The following NELL1 variants were observed in gnomAD, a reference collection of about 807,000 sequenced individuals.
The protein encoded by NELL1 is neural EGFL like 1.
A neutral mutation model predicts 107.4 loss-of-function variants in NELL1; 76 were observed. The ratio of observed to expected loss-of-function variants is 0.71; its 90% CI spans 0.59 to 0.86. The LOEUF (loss-of-function observed/expected upper bound fraction) is 0.86. NELL1 is among the 40% of genes least tolerant of loss of function. The probability of loss-of-function intolerance (pLI) is 0.00; values close to 1 mark genes in which losing one functional copy is unlikely to be tolerated. For missense variants in NELL1, 1,024 were observed against 1,005.5 expected (o/e 1.02, Z -0.25); for synonymous variants, 353 against 341.2 (o/e 1.03, Z -0.38).
At chr11:21,561,732 C>G (rs1056090172) in intron 17 of NELL1, among the ~76,000 whole-genome samples, 1 of 151,976 alleles carries the variant, frequency 6.6e-6, no homozygotes, top group African/African-American at 2.4e-5. Context: ...CTCAGACTTT[C>G]AACTCAGACT....
chr11:20,789,067 T>C (rs867100377), intron 3 of NELL1, among the ~76,000 whole-genome samples: 1 of 152,216 alleles, frequency 6.6e-6, no homozygotes. Flanking sequence ...TTATTTCTGG[T>C]CTCTTACTGC....
intron 13 of NELL1, among the ~76,000 whole-genome samples, chr11:21,226,561 A>G (rs61888070): frequency 0.068 from 10,341 of 152,252 alleles, 435 homozygotes; most frequent in Non-Finnish European, 0.1. Flanking sequence ...TAATATGCCT[A>G]AAATATTGAC....
intron 2 of NELL1, among the ~76,000 whole-genome samples, chr11:20,757,055 C>T (rs183741780): frequency 1.4e-3 from 207 of 151,980 alleles, no homozygotes; most frequent in African/African-American, 4.7e-3. Context: ...CCAGCTTTAC[C>T]TCCATCCTTC....
At chr11:20,980,761 A>G (rs1199214073) in intron 12 of NELL1, among the ~76,000 whole-genome samples, 1 of 152,120 alleles carries the variant, frequency 6.6e-6, no homozygotes, top group African/African-American at 2.4e-5. Flanking sequence ...TAACCCAGGG[A>G]GTCCAAGGCC....
At chr11:20,808,422 T>C (rs1857429026) in intron 3 of NELL1, among the ~76,000 whole-genome samples, 1 of 152,158 alleles carries the variant, frequency 6.6e-6, no homozygotes, top group African/African-American at 2.4e-5. Context: ...CCATTTCCTC[T>C]CCTGAAGCAG....
intron 11 of NELL1, among the ~76,000 whole-genome samples, chr11:20,959,732 AT>A (rs553775731): frequency 6.6e-6 from 1 of 152,192 alleles, no homozygotes; most frequent in Non-Finnish European, 1.5e-5. Flanking sequence ...TACTTGGGTG[AT>A]ATGTGCACCA....
chr11:20,881,578 C>A (rs369765089), intron 4 of NELL1, among the ~76,000 whole-genome samples: 4 of 152,156 alleles, frequency 2.6e-5, no homozygotes, highest in Non-Finnish European at 4.4e-5. Context: ...TACACAATGT[C>A]GGCACACATT....
intron 2 of NELL1, among the ~76,000 whole-genome samples, chr11:20,699,737 A>G (rs1181738981): frequency 1.3e-5 from 2 of 152,236 alleles, no homozygotes; most frequent in Non-Finnish European, 2.9e-5. Flanking sequence ...TTGCGCTGCT[A>G]TAAACATGCA....
intron 12 of NELL1, among the ~76,000 whole-genome samples, chr11:20,974,069 T>C (rs1851555533): frequency 6.6e-6 from 1 of 152,218 alleles, no homozygotes; most frequent in Admixed American, 6.5e-5. Context: ...GCATTCTCTT[T>C]ACAAGTGCCA....
chr11:21,222,448 G>A lies in NELL1; in HGVS notation c.1427-6884G>A, dbSNP rs373116837. Among the ~76,000 whole-genome samples, 386 of 150,844 alleles carry A rather than the reference G, an allele frequency of 2.6e-3. 2 individuals carry two copies. The highest frequency in any genetic ancestry group is 8.7e-3 in the African/African-American group (357 of 41,064). On this transcript the variant is annotated intron_variant, in intron 13 of 19. Coordinates refer to ENST00000357134, the MANE Select transcript of NELL1 (RefSeq NM_006157.5). Reference sequence around the variant, plus strand: ...CCTGACCTCATGATCTGCCTGCCTCGGCCTCCCAAAGTGCTGGGATTACAG... The same window carrying A: ...CCTGACCTCATGATCTGCCTGCCTCAGCCTCCCAAAGTGCTGGGATTACAG...
At position 20,688,068 on chromosome 11, in the gene NELL1, GTAAAT is replaced by G. The variant is rs529417873; in HGVS notation, c.184+10011_184+10015del. Among the ~76,000 whole-genome samples the G allele has an allele frequency of 4.6e-5, 7 of 151,830 alleles. No homozygotes were observed. The South Asian group carries it at 1.5e-3, about 32-fold the overall frequency. ...CTGTTTAATAAGTATGCAATTTAAAGTAAATTATTTATTTTATTTAGTATACTTTT... is the reference window on the plus strand; with the variant it reads ...CTGTTTAATAAGTATGCAATTTAAAGTATTTATTTTATTTAGTATACTTTT... On this transcript the variant is annotated intron_variant, in intron 2 of 19. Coordinates refer to ENST00000357134, the MANE Select transcript of NELL1 (RefSeq NM_006157.5).
At chr11:21,324,012 A>G (rs1383680203) in intron 14 of NELL1, among the ~76,000 whole-genome samples, 2 of 152,112 alleles carry the variant, frequency 1.3e-5, no homozygotes, top group Non-Finnish European at 2.9e-5. Flanking sequence ...GCCATTTCTT[A>G]TGTAAATGTT....
At chr11:21,011,501 CACCTTTAT>C (rs1852446124) in intron 12 of NELL1, among the ~76,000 whole-genome samples, 1 of 152,140 alleles carries the variant, frequency 6.6e-6, no homozygotes. Flanking sequence ...CAGACCCTTA[CACCTTTAT>C]ACCTCCACCC....
At chr11:21,164,627 G>A (rs1224281808) in intron 13 of NELL1, among the ~76,000 whole-genome samples, 1 of 152,136 alleles carries the variant, frequency 6.6e-6, no homozygotes, top group Admixed American at 6.5e-5. Flanking sequence ...AAATCATAGT[G>A]TTATAAAATG....
At chr11:20,950,663 C>CA (rs1008078899) in intron 11 of NELL1, among the ~76,000 whole-genome samples, 6 of 152,194 alleles carry the variant, frequency 3.9e-5, no homozygotes, top group Admixed American at 1.3e-4. Context: ...GAGAAACACT[C>CA]AATTTCTATG....
chr11:20,806,240 T>A (rs1857380839), intron 3 of NELL1, among the ~76,000 whole-genome samples: 1 of 136,344 alleles, frequency 7.3e-6, no homozygotes, highest in Non-Finnish European at 1.6e-5. Flanking sequence ...TTCTCCTTCA[T>A]GTGTGAAGCA....
In NELL1 at chr11:21,248,499, C is replaced by CT. The variant is rs543531039; in HGVS notation, c.1549+19046dup. ...GCAAGAAATCAGAGGTTTGTGGCCA[C>CT]TGTTTAGATTAGTCTCAGCCTTCAA... On this transcript the variant is annotated intron_variant, in intron 14 of 19. Coordinates refer to ENST00000357134, the MANE Select transcript of NELL1 (RefSeq NM_006157.5). Among the ~76,000 whole-genome samples the CT allele has an allele frequency of 7.8e-4, 119 of 152,196 alleles. 1 individual carries two copies. Among genetic ancestry groups the CT allele is most frequent in the African/African-American group, 2.6e-3 (110 of 41,558 alleles).
At chr11:21,478,917 A>G (rs2133896739) in intron 15 of NELL1, among the ~76,000 whole-genome samples, 1 of 152,276 alleles carries the variant, frequency 6.6e-6, no homozygotes, top group Non-Finnish European at 1.5e-5. Context: ...AAGATGTACA[A>G]ATAGCAAACA....
intron 15 of NELL1, among the ~76,000 whole-genome samples, chr11:21,492,031 C>G (rs1348703697): frequency 6.6e-6 from 1 of 151,986 alleles, no homozygotes; most frequent in Non-Finnish European, 1.5e-5. Context: ...CTACAATGAA[C>G]TCAAACTAAT....
Sources: gnomAD v4.1 joint callset for allele counts (sites outside exome capture counted in the v4.1 genomes callset) on GRCh38, gnomAD v4.1.1 for gene constraint, MANE v1.5 for transcripts, NCBI Gene and HGNC (gene_info 2026-07-23, HGNC 2026-07-21) for gene names.